Variants in RICTOR observed in about 807,000 individuals in gnomAD.
The protein encoded by RICTOR is rapamycin-insensitive companion of mTOR.
A neutral mutation model predicts 214.9 loss-of-function variants in RICTOR; 49 were observed. That is an observed-to-expected ratio of 0.23 (90% CI 0.18 to 0.29). The LOEUF (loss-of-function observed/expected upper bound fraction) is 0.29. RICTOR is among the 10% of genes least tolerant of loss of function. The pLI is 1.00. For synonymous variants in RICTOR, 717 were observed against 711.3 expected (o/e 1.01, Z -0.13); for missense variants, 1,625 against 2,047.0 (o/e 0.79, Z 3.98).
chr5:38,968,135 T>G (rs1232505538), intron 11 of RICTOR, 105 bp from the exon 12 acceptor site: 1 of 665,822 alleles, frequency 1.5e-6, no homozygotes, highest in Non-Finnish European at 2.8e-6. Context: ...GAACTATTAA[T>G]ACAATGACAT....
At chr5:38,983,827 T>C (rs1050637565) in intron 7 of RICTOR, among the ~76,000 whole-genome samples, 2 of 151,828 alleles carry the variant, frequency 1.3e-5, no homozygotes, top group African/African-American at 4.8e-5. Context: ...TAGCTGGGCA[T>C]GGTGGTGCGT....
chr5:39,062,986 G>A (rs1321386059), intron 2 of RICTOR, among the ~76,000 whole-genome samples: 3 of 151,982 alleles, frequency 2.0e-5, no homozygotes, highest in East Asian at 1.9e-4. Flanking sequence ...CAGAAAATCT[G>A]GTGATTTTAG....
intron 7 of RICTOR, among the ~76,000 whole-genome samples, chr5:38,989,769 T>C (rs1263419427): frequency 6.6e-6 from 1 of 152,196 alleles, no homozygotes; most frequent in African/African-American, 2.4e-5. Flanking sequence ...CCACTGGTCA[T>C]TAAAGAAATG....
chr5:39,028,935 T>C (rs1468560383), intron 2 of RICTOR, among the ~76,000 whole-genome samples: 1 of 152,020 alleles, frequency 6.6e-6, no homozygotes, highest in African/African-American at 2.4e-5. Context: ...AAAAACAAAC[T>C]ACTTATACAT....
At chr5:39,059,604 T>G (rs1212087576) in intron 2 of RICTOR, among the ~76,000 whole-genome samples, 1 of 152,070 alleles carries the variant, frequency 6.6e-6, no homozygotes, top group African/African-American at 2.4e-5. Context: ...CCTACAAATC[T>G]AATACTAAAA....
At chr5:39,006,811 G>A (rs1272804671) in intron 3 of RICTOR, among the ~76,000 whole-genome samples, 1 of 147,406 alleles carries the variant, frequency 6.8e-6, no homozygotes, top group Non-Finnish European at 1.5e-5. Flanking sequence ...ACAGAATAGG[G>A]TAGGAGACAG....
rs577426216 is a variant in RICTOR at position 39,024,009 on chromosome 5, T to G, written c.98-2873A>C. On this transcript the variant is annotated intron_variant, in intron 2 of 37. Coordinates refer to ENST00000357387, the MANE Select transcript of RICTOR (RefSeq NM_152756.5). ...GGTTCTGTGGAAAACAATTTTTCCA[T>G]GGACCCGGGGTGGGGATGGTTTTGG... 4.7e-3 allele frequency among the ~76,000 whole-genome samples: 722 copies of G among 152,314 alleles called. 6 individuals carry two copies. Among genetic ancestry groups the G allele is most frequent in the African/African-American group, 0.015 (615 of 41,576 alleles).
In RICTOR at chr5:38,949,843, T is replaced by C; in HGVS notation, c.4005A>G (p.Arg1335=). 1 of 1,613,524 alleles carries C rather than the reference T, an allele frequency of 6.2e-7. No homozygotes were observed. Among genetic ancestry groups the C allele is most frequent in the Non-Finnish European group, 8.5e-7 (1 of 1,179,578 alleles). The part of the protein sequence containing the change: ...RDAFGYATLK[R]LQQQRMHPSL... ...ATGGATGCATTCTTTGTTGCTGTAG[T>C]CTTTTCAGTGTAGCATAGCCAAAAG... The change falls in exon 31 of 38, where the codon AGA becomes AGG. Residue 1335 remains arginine (R), a synonymous_variant. Coordinates refer to ENST00000357387, the MANE Select transcript of RICTOR (RefSeq NM_152756.5).
At chr5:39,012,330 C>T (rs1754590970) in intron 3 of RICTOR, among the ~76,000 whole-genome samples, 1 of 152,164 alleles carries the variant, frequency 6.6e-6, no homozygotes, top group South Asian at 2.1e-4. Context: ...ATGTTTGCTT[C>T]CCTTTCCACC....
intron 3 of RICTOR, among the ~76,000 whole-genome samples, chr5:39,008,955 G>C (rs1411164164): frequency 6.6e-6 from 1 of 150,968 alleles, no homozygotes; most frequent in African/African-American, 2.4e-5. Context: ...GTTAGAATTT[G>C]TTTATATCAA....
intron 5 of RICTOR, among the ~76,000 whole-genome samples, chr5:39,000,012 T>A (rs1038194089): frequency 6.6e-6 from 1 of 151,900 alleles, no homozygotes; most frequent in Non-Finnish European, 1.5e-5. Context: ...GAAGTATTAC[T>A]AGGAATAAAG....
intron 2 of RICTOR, among the ~76,000 whole-genome samples, chr5:39,051,607 A>G (rs1757855366): frequency 6.6e-6 from 1 of 152,164 alleles, no homozygotes; most frequent in Admixed American, 6.5e-5. Context: ...TAAAAAAATT[A>G]GCTGGGCATA....
In RICTOR at chr5:38,940,517, A is replaced by G. The variant is rs563538416; in HGVS notation, c.*1787T>C. 124 of 232,866 alleles carry G rather than the reference A, an allele frequency of 5.3e-4. No individual in the cohort carries two copies. The East Asian group carries it at 6.6e-3, about 12-fold the overall frequency. 14.4% of individuals were successfully genotyped at this position (232,866 alleles called of 1,614,324 possible). The stretch of plus-strand genomic sequence containing the variant: ...CAACGTTCTTAGAAGTACTGTTGAC[A>G]TTTAAATAAACACTTGGGTTCAGTG... On this transcript the variant is annotated 3_prime_UTR_variant, in exon 38 of 38. Coordinates refer to ENST00000357387, the MANE Select transcript of RICTOR (RefSeq NM_152756.5).
chr5:38,970,116 C>G (rs1177423638), intron 11 of RICTOR: 5 of 152,232 alleles, frequency 3.3e-5, no homozygotes, highest in Admixed American at 1.3e-4. Flanking sequence ...ACAGGCTATA[C>G]CACATAACCT....
chr5:39,069,442 G>C (rs1178052304), intron 2 of RICTOR, among the ~76,000 whole-genome samples: 2 of 152,148 alleles, frequency 1.3e-5, no homozygotes, highest in African/African-American at 4.8e-5. Flanking sequence ...GAATCTTGAG[G>C]AAACAGTATT....
At chr5:38,970,253 A>G (rs1750671638) in intron 11 of RICTOR, 1 of 152,214 alleles carries the variant, frequency 6.6e-6, no homozygotes, top group South Asian at 2.1e-4. Context: ...ATTATACCAT[A>G]TTTTGAAACT....
At chr5:38,953,127 A>G (rs750174918) in intron 28 of RICTOR, 36 bp from the exon 29 acceptor site, 1 of 1,370,282 alleles carries the variant, frequency 7.3e-7, no homozygotes, top group African/African-American at 1.4e-5. Context: ...CAAATATAAG[A>G]GTCACTCTTT....
intron 8 of RICTOR, 70 bp downstream of exon 8, chr5:38,981,797 A>T: frequency 9.5e-7 from 1 of 1,047,140 alleles, no homozygotes. Flanking sequence ...TATAAAATTT[A>T]GTATTTCAAA....
At chr5:38,992,363 GATT>G (rs1348287327) in intron 6 of RICTOR, among the ~76,000 whole-genome samples, 1 of 151,972 alleles carries the variant, frequency 6.6e-6, no homozygotes, top group Non-Finnish European at 1.5e-5. Context: ...AATACTTTCT[GATT>G]ATTATTATTC....
Sources: gnomAD v4.1 joint callset for allele counts (sites outside exome capture counted in the v4.1 genomes callset) on GRCh38, gnomAD v4.1.1 for gene constraint, MANE v1.5 for transcripts, NCBI Gene and HGNC (gene_info 2026-07-23, HGNC 2026-07-21) for gene names.